XKR6: variants seen among roughly 807,000 people sequenced by gnomAD.
The protein encoded by XKR6 is XK related 6.
XKR6 carries 22 observed loss-of-function variants against 56.7 expected under a neutral mutation model. The observed-to-expected ratio is 0.39, with a 90% CI of 0.28 to 0.55. The LOEUF (loss-of-function observed/expected upper bound fraction) is 0.55. Among genes scored for constraint, XKR6 ranks in the 20% least tolerant of loss-of-function variants. The probability of loss-of-function intolerance (pLI) is 0.66; values close to 1 mark genes in which losing one functional copy is unlikely to be tolerated. For synonymous variants in XKR6, 524 were observed against 387.8 expected (o/e 1.35, Z -4.13); for missense variants, 852 against 889.0 (o/e 0.96, Z 0.53).
At chr8:11,116,606 G>A (rs1413507852) in intron 1 of XKR6, among the ~76,000 whole-genome samples, 2 of 152,110 alleles carry the variant, frequency 1.3e-5, no homozygotes, top group Non-Finnish European at 2.9e-5. Flanking sequence ...CCTGACCACA[G>A]GTGATCCACC....
At chr8:11,177,720 T>A (rs928405378) in intron 1 of XKR6, among the ~76,000 whole-genome samples, 1 of 152,232 alleles carries the variant, frequency 6.6e-6, no homozygotes, top group Non-Finnish European at 1.5e-5. Flanking sequence ...AAGGGTTGAC[T>A]GCCACCCCAG....
At chr8:10,989,586 T>C (rs891057806) in intron 1 of XKR6, among the ~76,000 whole-genome samples, 1 of 150,460 alleles carries the variant, frequency 6.6e-6, no homozygotes, top group Non-Finnish European at 1.5e-5. Context: ...TTTCAACTGA[T>C]GAACAGGTAA....
intron 1 of XKR6, among the ~76,000 whole-genome samples, chr8:11,155,093 C>T (rs1047460863): frequency 1.3e-5 from 2 of 152,250 alleles, no homozygotes; most frequent in East Asian, 3.8e-4. Flanking sequence ...AGGCCCCCAA[C>T]CACTGGCACC....
At chr8:10,939,670 G>C (rs959040956) in intron 1 of XKR6, among the ~76,000 whole-genome samples, 2 of 152,244 alleles carry the variant, frequency 1.3e-5, no homozygotes, top group African/African-American at 2.4e-5. Flanking sequence ...GGTTCGTAAA[G>C]CTTCCCCTAA....
At chr8:10,924,975 T>G in intron 1 of XKR6, 145 bp from the exon 2 acceptor site, 1 of 872,864 alleles carries the variant, frequency 1.1e-6, no homozygotes, top group East Asian at 2.7e-5. Flanking sequence ...GACGGGGCTC[T>G]GGGGGGCTCC....
intron 1 of XKR6, among the ~76,000 whole-genome samples, chr8:11,166,422 T>A (rs551224315): frequency 7.8e-4 from 118 of 152,148 alleles, no homozygotes; most frequent in Admixed American, 7.7e-3. Flanking sequence ...CCCCAAGAAC[T>A]GTGAGAGATA....
At chr8:10,990,883 A>T (rs116650279) in intron 1 of XKR6, among the ~76,000 whole-genome samples, 2,001 of 131,604 alleles carry the variant, frequency 0.015, 39 homozygotes, top group African/African-American at 0.057. Context: ...ATGCCCGGCC[A>T]CTGGGGAATG....
chr8:10,959,028 G>T lies in XKR6; in HGVS notation c.765-34198C>A, dbSNP rs143701517. Among the ~76,000 whole-genome samples, 85 of 152,334 alleles carry T rather than the reference G, an allele frequency of 5.6e-4. 1 individual carries two copies. In the East Asian group the frequency reaches 0.014, roughly 24 times the overall value. On this transcript the variant is annotated intron_variant, in intron 1 of 2. Transcript: ENST00000416569. ...CACAGACCGGGGGAAACCCTGCAGG[G>T]CTTCTGTAACCAGAGTGTGACGCTG...
At position 10,926,004 on chromosome 8, in the gene XKR6, G is replaced by A. The variant is rs148414150; in HGVS notation, c.765-1174C>T. ...CAAAAACAGGAACCGTAAACTGGGT[G>A]CCAGCGGCAGTGGGAGAGAACCACA... On this transcript the variant is annotated intron_variant, in intron 1 of 2. Coordinates refer to ENST00000416569, the MANE Select transcript of XKR6 (RefSeq NM_173683.4). 6.9e-3 allele frequency among the ~76,000 whole-genome samples: 1,056 copies of A among 152,270 alleles called. 8 individuals are homozygous for A. The highest frequency in any genetic ancestry group is 0.011 in the Admixed American group (163 of 15,306).
At chr8:11,143,692 G>A (rs1224759513) in intron 1 of XKR6, among the ~76,000 whole-genome samples, 1 of 152,216 alleles carries the variant, frequency 6.6e-6, no homozygotes. Flanking sequence ...GGAAGGGATT[G>A]TGATTAGGAT....
Position 11,174,163 on chromosome 8 carries a change from C to T in XKR6, c.764+26413G>A, listed in dbSNP as rs148617217. On this transcript the variant is annotated intron_variant, in intron 1 of 2. Coordinates refer to ENST00000416569, the MANE Select transcript of XKR6 (RefSeq NM_173683.4). ...CTAAGGCTCTGACAAAACAAAATGA[C>T]TACAGCTGCCGATTATCACCTCTCA... Among the ~76,000 whole-genome samples the T allele has an allele frequency of 4.4e-3, 674 of 152,328 alleles. 3 individuals carry two copies. Among genetic ancestry groups the T allele is most frequent in the Non-Finnish European group, 7.3e-3 (498 of 68,032 alleles).
intron 1 of XKR6, among the ~76,000 whole-genome samples, chr8:11,190,452 G>C (rs959968643): frequency 6.6e-6 from 1 of 152,130 alleles, no homozygotes; most frequent in Non-Finnish European, 1.5e-5. Context: ...TGGAAGTCAC[G>C]GGGTTGTAAG....
At chr8:11,121,990 A>G (rs140905207) in intron 1 of XKR6, among the ~76,000 whole-genome samples, 1 of 152,324 alleles carries the variant, frequency 6.6e-6, no homozygotes, top group Non-Finnish European at 1.5e-5. Context: ...AACAATAAGA[A>G]CACTTGGATA....
chr8:11,186,060 C>A (rs537122834), intron 1 of XKR6, among the ~76,000 whole-genome samples: 178 of 152,278 alleles, frequency 1.2e-3, no homozygotes, highest in Admixed American at 2.5e-3. Context: ...TACTTCTTTA[C>A]AGAAAAAGCT....
intron 1 of XKR6, among the ~76,000 whole-genome samples, chr8:11,151,557 A>T (rs924098458): frequency 1.3e-5 from 2 of 152,170 alleles, no homozygotes; most frequent in Non-Finnish European, 2.9e-5. Context: ...ATTTCCCTAA[A>T]AGCTCATGCT....
intron 1 of XKR6, among the ~76,000 whole-genome samples, chr8:10,976,763 CT>C (rs1441159745): frequency 6.7e-6 from 1 of 149,886 alleles, no homozygotes; most frequent in African/African-American, 2.5e-5. Context: ...GTCTCTCTCT[CT>C]CTCTCTCTCT....
At chr8:11,019,652 C>G (rs1021120769) in intron 1 of XKR6, among the ~76,000 whole-genome samples, 1 of 152,192 alleles carries the variant, frequency 6.6e-6, no homozygotes, top group Non-Finnish European at 1.5e-5. Flanking sequence ...GCAGCTGGCT[C>G]TGACCGCCAA....
intron 2 of XKR6, among the ~76,000 whole-genome samples, chr8:10,920,433 C>T (rs912291599): frequency 3.9e-5 from 6 of 152,246 alleles, no homozygotes; most frequent in Non-Finnish European, 8.8e-5. Flanking sequence ...TGCCTAATGT[C>T]AAACAACTGT....
chr8:10,903,857 G>C (rs571544358), intron 2 of XKR6, among the ~76,000 whole-genome samples: 1 of 152,302 alleles, frequency 6.6e-6, no homozygotes, highest in East Asian at 1.9e-4. Flanking sequence ...ACCGCCGAGT[G>C]ATTCATCTTC....
Sources: gnomAD v4.1 joint callset for allele counts (sites outside exome capture counted in the v4.1 genomes callset) on GRCh38, gnomAD v4.1.1 for gene constraint, MANE v1.5 for transcripts, NCBI Gene and HGNC (gene_info 2026-07-23, HGNC 2026-07-21) for gene names.